The following BSND variants were observed in gnomAD, a reference collection of about 807,000 sequenced individuals.
The protein encoded by BSND is barttin.
A neutral mutation model predicts 18.8 loss-of-function variants in BSND; 13 were observed. That is an observed-to-expected ratio of 0.69 (90% CI 0.45 to 1.10). The LOEUF (loss-of-function observed/expected upper bound fraction) is 1.10, where lower values mean the gene tolerates loss of function less well. Among genes scored for constraint, BSND ranks in the 50% least tolerant of loss-of-function variants. The pLI, the probability that BSND is intolerant of heterozygous loss-of-function variation, is 0.00. For missense variants in BSND, 379 were observed against 416.7 expected, an observed-to-expected ratio of 0.91 and a Z score of 0.79; for synonymous variants, 170 against 161.8, an observed-to-expected ratio of 1.05 and a Z score of -0.39.
chr1:55,001,497 G>A (rs1233042783), intron 1 of BSND, among the ~76,000 whole-genome samples: 1 of 152,088 alleles, frequency 6.6e-6, no homozygotes, highest in Non-Finnish European at 1.5e-5. Flanking sequence ...TCTCATTGGT[G>A]CCTGGGCCAA....
Position 54,998,935 on chromosome 1 carries a change from A to G in BSND, c.-252A>G, listed in dbSNP as rs778761017. 20 of 524,462 alleles carry G rather than the reference A, an allele frequency of 3.8e-5. No homozygotes were observed. The highest frequency in any genetic ancestry group is 6.2e-5 in the Non-Finnish European group (18 of 289,924). 32.5% of individuals were successfully genotyped at this position (524,462 alleles called of 1,614,324 possible). On this transcript the variant is annotated 5_prime_UTR_variant, in exon 1 of 4. Transcript: ENST00000651561. ...CACACTCCAGGCCAGCCGGGCCCAG[A>G]GGGAAGGTGAGAGGGCAAGGAGTAA...
In BSND at chr1:55,014,401, T is replaced by C. The variant is rs2479398; in HGVS notation, c.*5773T>C. Among the ~76,000 whole-genome samples, 14,164 of 152,274 alleles carry C rather than the reference T, an allele frequency of 0.093. 806 individuals are homozygous for C. Among genetic ancestry groups the C allele is most frequent in the Non-Finnish European group, 0.13 (8,819 of 68,010 alleles). On this transcript the variant is annotated 3_prime_UTR_variant, in exon 4 of 4. Transcript: ENST00000651561. ...CTTATTAATAAATTGAGGTTAGTGATATCGACCCAATAGGCATGTTGTGAA... is the reference window on the plus strand; with the variant it reads ...CTTATTAATAAATTGAGGTTAGTGACATCGACCCAATAGGCATGTTGTGAA...
chr1:55,013,707 CT>C lies in BSND; in HGVS notation c.*5080del, dbSNP rs552732320. 3.9e-3 allele frequency among the ~76,000 whole-genome samples: 591 copies of C among 152,256 alleles called. 7 individuals are homozygous for C. The highest frequency in any genetic ancestry group is 0.014 in the African/African-American group (568 of 41,534). ...TGCTAGTGTGGAGGGAGACACCCCC[CT>C]GCAACATCTTCCATGACTGCCTATT... On this transcript the variant is annotated 3_prime_UTR_variant, in exon 4 of 4. Coordinates refer to ENST00000651561, the MANE Select transcript of BSND (RefSeq NM_057176.3).
At chr1:54,999,445 C>A in intron 1 of BSND, 82 bp downstream of exon 1, 6 of 1,400,196 alleles carry the variant, frequency 4.3e-6, no homozygotes, top group Non-Finnish European at 5.8e-6. Flanking sequence ...CATGCCTCAC[C>A]CCCTATCCTT....
intron 1 of BSND, 42 bp from the exon 2 acceptor site, chr1:55,004,980 C>A (rs748671912): frequency 2.5e-6 from 4 of 1,584,432 alleles, no homozygotes; most frequent in South Asian, 2.2e-5. Flanking sequence ...AGCCCCCCTA[C>A]CCTGGTCAAC....
rs535613700 is a variant in BSND at position 55,014,447 on chromosome 1, A to G, written c.*5819A>G. ...GTGAAGATTGGATGAGATCATGCAT[A>G]TTGAGTGTAGCATGTGCCTAGCACC... On this transcript the variant is annotated 3_prime_UTR_variant, in exon 4 of 4. Transcript: ENST00000651561. 1.1e-4 allele frequency among the ~76,000 whole-genome samples: 17 copies of G among 152,302 alleles called. No homozygotes were observed. In the South Asian group the frequency reaches 2.5e-3, roughly 22 times the overall value.
In BSND at chr1:55,013,309, G is replaced by A. The variant is rs1182871909; in HGVS notation, c.*4681G>A. On this transcript the variant is annotated 3_prime_UTR_variant, in exon 4 of 4. Transcript: ENST00000651561. ...CTCCCAAGTAGCTAGGATTACAGGC[G>A]CCTGCCACCACACCCAGCTAATTTT... 1.3e-5 allele frequency among the ~76,000 whole-genome samples: 2 copies of A among 152,046 alleles called. No homozygotes were observed. Among genetic ancestry groups the A allele is most frequent in the African/African-American group, 4.8e-5 (2 of 41,404 alleles).
Position 55,016,068 on chromosome 1 carries a change from G to C in BSND, c.*7440G>C, listed in dbSNP as rs189841208. 4.6e-5 allele frequency among the ~76,000 whole-genome samples: 7 copies of C among 152,330 alleles called. No individual in the cohort carries two copies. The highest frequency in any genetic ancestry group is 2.6e-4 in the Admixed American group (4 of 15,304). On this transcript the variant is annotated 3_prime_UTR_variant, in exon 4 of 4. Transcript: ENST00000651561. ...GTGACTGGGGACTGGACCAGGGCGGGCTGTGGTTGTTGCCCTGGAGCACAT... is the reference window on the plus strand; with the variant it reads ...GTGACTGGGGACTGGACCAGGGCGGCCTGTGGTTGTTGCCCTGGAGCACAT...
Position 54,999,131 on chromosome 1 carries a change from AACT to A in BSND, c.-53_-51del, listed in dbSNP as rs1460889328. The A allele has an allele frequency of 8.7e-6, 14 of 1,603,626 alleles. No individual in the cohort carries two copies. The African/African-American group carries it at 1.5e-4, about 17-fold the overall frequency. On this transcript the variant is annotated 5_prime_UTR_variant, in exon 1 of 4. Transcript: ENST00000651561. ...TAAGCCTGTCTCGGTGTTTAGGCTG[AACT>A]ACAGCCACCCCCTCTCCCGGGGGTG... is the stretch of plus-strand genomic sequence containing the variant.
At chr1:55,001,861 G>A (rs1349821916) in intron 1 of BSND, among the ~76,000 whole-genome samples, 4 of 152,266 alleles carry the variant, frequency 2.6e-5, no homozygotes, top group Non-Finnish European at 5.9e-5. Flanking sequence ...TGTGGTAAAA[G>A]AATAAGGCAA....
rs779434726 is a variant in BSND, at chr1:55,008,512, A to G, written c.847A>G (p.Thr283Ala). Residue 283 changes from threonine to alanine, a missense_variant, in exon 4 of 4, where the codon ACA (threonine) becomes GCA (alanine). By Grantham distance (58) the Thr-to-Ala change is moderately conservative (BLOSUM62 0). Transcript: ENST00000651561. ...GGTGGAGGAGAAGGAGGCTTCGGAC[A>G]CAGGTGGGGAGGAACCTGAGAAGGA... ...TKVEEKEASD[T>A]GGEEPEKEEE... 5.6e-6 allele frequency: 9 copies of G among 1,614,234 alleles called. No individual in the cohort carries two copies. The highest frequency in any genetic ancestry group is 1.6e-4 in the Middle Eastern group (1 of 6,062).
rs562139337 is a variant in BSND, at chr1:55,013,501, G to C, written c.*4873G>C. 1.4e-4 allele frequency among the ~76,000 whole-genome samples: 21 copies of C among 152,298 alleles called. No homozygotes were observed. In the East Asian group the frequency reaches 3.9e-3, roughly 28 times the overall value. ...AGATGAGGAACTGAGGCTCAGAGAA[G>C]CTGAATAATTTGCCCATCCTTGCGG... On this transcript the variant is annotated 3_prime_UTR_variant, in exon 4 of 4. Transcript: ENST00000651561.
intron 1 of BSND, 23 bp from the exon 2 acceptor site, chr1:55,004,999 G>A (rs1203335212): frequency 6.2e-7 from 1 of 1,611,886 alleles, no homozygotes; most frequent in Non-Finnish European, 8.5e-7. Flanking sequence ...ACTGCACAGA[G>A]GCTGTCTCTC....
Position 55,008,076 on chromosome 1 carries a change from G to A in BSND, c.549-138G>A. On this transcript the variant is annotated intron_variant, in intron 3 of 3. Transcript: ENST00000651561. The stretch of plus-strand genomic sequence containing the variant: ...AAACCTAAGAAAGAACTGCAGGAGT[G>A]AATTCTGTTATTGGGAAGAAACTGA... 4.2e-6 allele frequency: 3 copies of A among 716,746 alleles called. No individual in the cohort carries two copies. The East Asian group carries it at 8.1e-5, about 19-fold the overall frequency. 44.4% of individuals were successfully genotyped at this position (716,746 alleles called of 1,614,324 possible). A position where few individuals can be genotyped will look rare whatever the true frequency, so the allele number is the denominator to read the frequency against.
intron 1 of BSND, among the ~76,000 whole-genome samples, chr1:55,001,639 AG>A (rs1283646131): frequency 3.3e-5 from 5 of 152,236 alleles, no homozygotes; most frequent in Non-Finnish European, 7.4e-5. Context: ...ATTAGGATAT[AG>A]GGGTGAGGGG....
At chr1:54,999,512 G>A (rs906715653) in intron 1 of BSND, 149 bp downstream of exon 1, 28 of 822,992 alleles carry the variant, frequency 3.4e-5, no homozygotes, top group South Asian at 2.2e-4. Context: ...TCTCCTGAGC[G>A]TCTGTCCCAT....
In BSND at chr1:55,008,403, C is replaced by A; in HGVS notation, c.738C>A (p.Ala246=). ...TCCAAGACTTTGCCCTGATTGATGC[C>A]CCAACGTTGGAGGATGAGCCCCAAG... The part of the protein sequence containing the change: ...DRFQDFALID[A]PTLEDEPQEG... The change falls in exon 4 of 4, where the codon GCC becomes GCA. Residue 246 remains alanine (A), a synonymous_variant. Coordinates refer to ENST00000651561, the MANE Select transcript of BSND (RefSeq NM_057176.3). 1 of 1,614,178 alleles carries A rather than the reference C, an allele frequency of 6.2e-7. No individual in the cohort carries two copies. Among genetic ancestry groups the A allele is most frequent in the Non-Finnish European group, 8.5e-7 (1 of 1,180,038 alleles).
In BSND at chr1:55,005,148, G is replaced by A. The variant is rs1202123044; in HGVS notation, c.272+32G>A. ...GCCAGGCCCTCTCGGGAGGGGAGGAGTAAGCCCCATAGGCCAGTCTCCCCT... is the reference window on the plus strand; with the variant it reads ...GCCAGGCCCTCTCGGGAGGGGAGGAATAAGCCCCATAGGCCAGTCTCCCCT... On this transcript the variant is annotated intron_variant, in intron 2 of 3. Transcript: ENST00000651561. The A allele has an allele frequency of 2.5e-6, 4 of 1,603,704 alleles. No individual in the cohort carries two copies. In the South Asian group the frequency reaches 3.3e-5, roughly 13 times the overall value.
In BSND at chr1:55,013,982, C is replaced by T. The variant is rs1018294876; in HGVS notation, c.*5354C>T. Among the ~76,000 whole-genome samples, 4 of 152,174 alleles carry T rather than the reference C, an allele frequency of 2.6e-5. No individual in the cohort carries two copies. Among genetic ancestry groups the T allele is most frequent in the Non-Finnish European group, 5.9e-5 (4 of 68,024 alleles). On this transcript the variant is annotated 3_prime_UTR_variant, in exon 4 of 4. Coordinates refer to ENST00000651561, the MANE Select transcript of BSND (RefSeq NM_057176.3). ...CCTGAATTAGCCCTGCTCTCCCCTT[C>T]CACGGTGGAATCCATCTCCACTGCA...
Sources: gnomAD v4.1 joint callset for allele counts (sites outside exome capture counted in the v4.1 genomes callset) on GRCh38, gnomAD v4.1.1 for gene constraint, MANE v1.5 for transcripts, NCBI Gene and HGNC (gene_info 2026-07-23, HGNC 2026-07-21) for gene names.